RUNDC3B: variants seen among roughly 807,000 people sequenced by gnomAD.
RUNDC3B encodes the protein RUN domain containing 3B.
A neutral mutation model predicts 58.4 loss-of-function variants in RUNDC3B; 33 were observed. The observed-to-expected ratio is 0.56, with a 90% CI of 0.43 to 0.75. The LOEUF is 0.75. Ranked by LOEUF, RUNDC3B falls within the 30% of genes least tolerant of loss-of-function variation. The pLI is 0.00. For missense variants in RUNDC3B, 501 were observed against 535.7 expected (o/e 0.94, Z 0.64); for synonymous variants, 193 against 195.2 (o/e 0.99, Z 0.10).
chr7:87,648,410 G>A (rs181765640), intron 1 of RUNDC3B, among the ~76,000 whole-genome samples: 275 of 152,070 alleles, frequency 1.8e-3, no homozygotes, highest in African/African-American at 6.4e-3. Flanking sequence ...ATGTCCCAGA[G>A]GAAGTGACAC....
chr7:87,650,552 C>G (rs1823474859), intron 1 of RUNDC3B, among the ~76,000 whole-genome samples: 1 of 152,130 alleles, frequency 6.6e-6, no homozygotes, highest in Non-Finnish European at 1.5e-5. Context: ...ACCCTTAATA[C>G]TATTGCTTTG....
At position 87,769,119 on chromosome 7, in the gene RUNDC3B, G is replaced by A. The variant is rs529864826; in HGVS notation, c.630-1462G>A. ...GGGTTCAAATGATTCTTATGCCTCA[G>A]CCTCCCATGTAGCTGGGATTACAGG... is the stretch of plus-strand genomic sequence containing the variant. On this transcript the variant is annotated intron_variant, in intron 6 of 10. Coordinates refer to ENST00000394654, the MANE Select transcript of RUNDC3B (RefSeq NM_001134405.2). 2.8e-3 allele frequency among the ~76,000 whole-genome samples: 424 copies of A among 151,482 alleles called. 2 individuals are homozygous for A. The highest frequency in any genetic ancestry group is 4.3e-3 in the Non-Finnish European group (294 of 67,926).
chr7:87,666,025 G>A (rs1428450094), intron 2 of RUNDC3B, among the ~76,000 whole-genome samples: 1 of 152,074 alleles, frequency 6.6e-6, no homozygotes, highest in East Asian at 1.9e-4. Flanking sequence ...TGGGTCGAAT[G>A]GTAGTTCTTT....
At chr7:87,670,877 G>T (rs183297817) in intron 2 of RUNDC3B, among the ~76,000 whole-genome samples, 340 of 152,326 alleles carry the variant, frequency 2.2e-3, no homozygotes, top group Non-Finnish European at 3.5e-3. Context: ...CTCTGTCAAT[G>T]TTCTGAAAGT....
At chr7:87,645,696 A>T (rs751205094) in intron 1 of RUNDC3B, among the ~76,000 whole-genome samples, 1 of 152,194 alleles carries the variant, frequency 6.6e-6, no homozygotes, top group Admixed American at 6.5e-5. Context: ...TAGATATATT[A>T]AAATTCTTTC....
At chr7:87,787,641 G>A (rs1835293733) in intron 8 of RUNDC3B, among the ~76,000 whole-genome samples, 1 of 151,928 alleles carries the variant, frequency 6.6e-6, no homozygotes, top group Non-Finnish European at 1.5e-5. Context: ...TTGAAAATCA[G>A]GACTGTGCTC....
Position 87,770,712 on chromosome 7 carries a change from G to A in RUNDC3B, c.761G>A (p.Arg254Lys), listed in dbSNP as rs1197311491. ...AACAGTTGGTTCAACAAGTGTAAGAGAGTTAAACAAAAGTATCAGCTTACC... is the reference window on the plus strand; with the variant it reads ...AACAGTTGGTTCAACAAGTGTAAGAAAGTTAAACAAAAGTATCAGCTTACC... ...DENSWFNKCKRVKQKYQLTLE... is the reference protein window; with the variant it reads ...DENSWFNKCKKVKQKYQLTLE... The change falls in exon 7 of 11, where the codon AGA becomes AAA. Residue 254 changes from arginine (R) to lysine (K), a missense_variant. Physicochemically the swap from Arg to Lys is conservative, Grantham distance 26. Coordinates refer to ENST00000394654, the MANE Select transcript of RUNDC3B (RefSeq NM_001134405.2). The A allele has an allele frequency of 6.2e-6, 10 of 1,613,474 alleles. No homozygotes were observed. The highest frequency in any genetic ancestry group is 8.5e-6 in the Non-Finnish European group (10 of 1,179,572).
intron 8 of RUNDC3B, among the ~76,000 whole-genome samples, chr7:87,804,755 G>T (rs919568926): frequency 6.6e-6 from 1 of 152,060 alleles, no homozygotes; most frequent in African/African-American, 2.4e-5. Context: ...GCATTGGTTA[G>T]CATTTTAATT....
chr7:87,672,697 G>T (rs957645383), intron 2 of RUNDC3B, among the ~76,000 whole-genome samples: 2 of 152,164 alleles, frequency 1.3e-5, no homozygotes, highest in Admixed American at 1.3e-4. Flanking sequence ...GGCCCTGGTG[G>T]AATGGGTTCA....
chr7:87,723,264 G>T (rs375723583), intron 4 of RUNDC3B, among the ~76,000 whole-genome samples: 3 of 151,976 alleles, frequency 2.0e-5, no homozygotes, highest in Non-Finnish European at 4.4e-5. Flanking sequence ...CAGAAGAAGG[G>T]ATATATAATC....
At chr7:87,804,970 G>A (rs1298028858) in intron 8 of RUNDC3B, among the ~76,000 whole-genome samples, 3 of 152,100 alleles carry the variant, frequency 2.0e-5, no homozygotes, top group Non-Finnish European at 4.4e-5. Flanking sequence ...TAGGGTAAGT[G>A]GTAGGATTCT....
chr7:87,665,808 C>T (rs769793154), intron 2 of RUNDC3B, among the ~76,000 whole-genome samples: 21 of 151,900 alleles, frequency 1.4e-4, no homozygotes, highest in Non-Finnish European at 1.6e-4. Context: ...TTTCTGTTCC[C>T]GCATTATTTC....
chr7:87,826,523 C>T (rs553386807), intron 10 of RUNDC3B, among the ~76,000 whole-genome samples: 1 of 151,718 alleles, frequency 6.6e-6, no homozygotes, highest in Admixed American at 6.6e-5. Flanking sequence ...TAATCTAAAA[C>T]ACTGAAGAAA....
At chr7:87,744,469 A>G (rs904383542) in intron 6 of RUNDC3B, among the ~76,000 whole-genome samples, 1 of 152,060 alleles carries the variant, frequency 6.6e-6, no homozygotes, top group Non-Finnish European at 1.5e-5. Flanking sequence ...CCATTTGTTC[A>G]TGTAATCTGT....
At chr7:87,704,037 C>T (rs1829377710) in intron 3 of RUNDC3B, among the ~76,000 whole-genome samples, 2 of 149,762 alleles carry the variant, frequency 1.3e-5, no homozygotes, top group Admixed American at 6.7e-5. Flanking sequence ...TCTCCTGCCT[C>T]AACCTCCTGA....
rs1838065131 is a variant in RUNDC3B at position 87,830,319 on chromosome 7, AT to A, written c.*290del. ...CCAAATCATTCATAGCAAATTGTAC[AT>A]ATTGTTCAGCTGATTTTTATATATT... is the stretch of plus-strand genomic sequence containing the variant. On this transcript the variant is annotated 3_prime_UTR_variant, in exon 11 of 11. Coordinates refer to ENST00000394654, the MANE Select transcript of RUNDC3B (RefSeq NM_001134405.2). The A allele has an allele frequency of 5.0e-6, 1 of 198,298 alleles. No homozygotes were observed. Among genetic ancestry groups the A allele is most frequent in the Non-Finnish European group, 1.0e-5 (1 of 99,286 alleles). The allele number at this position is 198,298 out of a possible 1,614,324, so 12.3% of individuals were successfully genotyped here.
intron 2 of RUNDC3B, among the ~76,000 whole-genome samples, chr7:87,651,204 A>G (rs1437840559): frequency 6.6e-6 from 1 of 152,162 alleles, no homozygotes; most frequent in South Asian, 2.1e-4. Context: ...CTTAAATTGA[A>G]AGGAAGCGCA....
At chr7:87,818,111 A>C (rs1837177161) in intron 10 of RUNDC3B, among the ~76,000 whole-genome samples, 8 of 152,166 alleles carry the variant, frequency 5.3e-5, no homozygotes, top group Admixed American at 4.6e-4. Context: ...GTATATTTTA[A>C]AAGCTAATTC....
intron 6 of RUNDC3B, among the ~76,000 whole-genome samples, chr7:87,757,408 A>G (rs559840100): frequency 1.2e-4 from 18 of 152,302 alleles, no homozygotes; most frequent in Admixed American, 1.1e-3. Flanking sequence ...AATATGAAAA[A>G]GAAACAAGGA....
Sources: gnomAD v4.1 joint callset for allele counts (sites outside exome capture counted in the v4.1 genomes callset) on GRCh38, gnomAD v4.1.1 for gene constraint, MANE v1.5 for transcripts, NCBI Gene and HGNC (gene_info 2026-07-23, HGNC 2026-07-21) for gene names.